Variants in COL5A2 observed in about 807,000 individuals in gnomAD.
COL5A2 encodes collagen type V alpha 2 chain.
In COL5A2, 23 loss-of-function variants were observed where a neutral mutation model predicts 208.2. That is an observed-to-expected ratio of 0.11 (90% confidence interval 0.08 to 0.16). COL5A2 has a LOEUF of 0.16. COL5A2 is among the 10% of genes least tolerant of loss of function. The pLI is 1.00. For missense variants in COL5A2, 1,590 were observed against 1,956.4 expected, an observed-to-expected ratio of 0.81 and a Z score of 3.53; for synonymous variants, 625 against 628.5, an observed-to-expected ratio of 0.99 and a Z score of 0.08.
At chr2:189,390,674 G>T in the COL5A2 span, among the ~76,000 whole-genome samples, 1 of 152,238 alleles carries the variant, frequency 6.6e-6, no homozygotes, top group Non-Finnish European at 1.5e-5. Context: ...ATAGGAACAT[G>T]TGGTATGGAC....
the COL5A2 span, among the ~76,000 whole-genome samples, chr2:189,433,775 C>A: frequency 6.6e-6 from 1 of 152,312 alleles, no homozygotes; most frequent in African/African-American, 2.4e-5. Flanking sequence ...TGGTACCATT[C>A]CTTCTGAAAC....
the COL5A2 span, among the ~76,000 whole-genome samples, chr2:189,415,718 G>T: frequency 6.6e-6 from 1 of 152,146 alleles, no homozygotes. Flanking sequence ...GGAGTGCAGT[G>T]GCACGACCTC....
At chr2:189,069,873 CTTTA>C (rs1174423555) in intron 18 of COL5A2, among the ~76,000 whole-genome samples, 1 of 152,114 alleles carries the variant, frequency 6.6e-6, no homozygotes, top group African/African-American at 2.4e-5. Context: ...TGGGCTACAA[CTTTA>C]TTTAAGTCTA....
chr2:189,093,497 G>A (rs1423457295), intron 6 of COL5A2, among the ~76,000 whole-genome samples: 2 of 152,086 alleles, frequency 1.3e-5, no homozygotes, highest in East Asian at 3.8e-4. Flanking sequence ...TGGTGGAGGT[G>A]GCAGTTTGTA....
chr2:189,211,238 A>G (rs1483122384), intron 1 of COL5A2, among the ~76,000 whole-genome samples: 2 of 152,168 alleles, frequency 1.3e-5, no homozygotes, highest in African/African-American at 4.8e-5. Context: ...AAATTAAGAA[A>G]TCCTGATGCT....
chr2:189,276,099 T>C, the COL5A2 span, among the ~76,000 whole-genome samples: 1 of 152,334 alleles, frequency 6.6e-6, no homozygotes, highest in African/African-American at 2.4e-5. Flanking sequence ...TTTAGACTAA[T>C]AACTATCTTT....
At chr2:189,438,657 C>A in the COL5A2 span, among the ~76,000 whole-genome samples, 1 of 152,078 alleles carries the variant, frequency 6.6e-6, no homozygotes, top group Non-Finnish European at 1.5e-5. Flanking sequence ...TAGTGGTTGC[C>A]AGGGGATAGG....
intron 1 of COL5A2, among the ~76,000 whole-genome samples, chr2:189,177,058 C>T (rs1688691062): frequency 6.6e-6 from 1 of 151,934 alleles, no homozygotes; most frequent in African/African-American, 2.4e-5. Context: ...TGGTAAATAA[C>T]CACAGTCAAG....
intron 1 of COL5A2, among the ~76,000 whole-genome samples, chr2:189,172,818 G>A (rs185283355): frequency 6.6e-6 from 1 of 151,474 alleles, no homozygotes; most frequent in Admixed American, 6.6e-5. Flanking sequence ...GTACAAAACT[G>A]TGAGACTGTC....
chr2:189,215,444 A>G (rs1689267505), intron 1 of COL5A2, among the ~76,000 whole-genome samples: 1 of 152,184 alleles, frequency 6.6e-6, no homozygotes, highest in South Asian at 2.1e-4. Flanking sequence ...AAAATAAAAT[A>G]TAAAATAACT....
At position 189,179,751 on chromosome 2, in the gene COL5A2, G is replaced by A; in HGVS notation, c.-147C>T. The A allele has an allele frequency of 2.1e-6, 3 of 1,413,074 alleles. No individual in the cohort carries two copies. Among genetic ancestry groups the A allele is most frequent in the South Asian group, 2.6e-5 (2 of 77,868 alleles). 87.5% of individuals were successfully genotyped at this position (1,413,074 alleles called of 1,614,324 possible). On this transcript the variant is annotated 5_prime_UTR_variant, in exon 1 of 54. Coordinates refer to ENST00000374866, the MANE Select transcript of COL5A2 (RefSeq NM_000393.5). ...ACCCCCTTTTTCAGCACCAGCTCCA[G>A]CACAGTCTGCGAAAACTTTTTTCAA...
chr2:189,091,954 A>AT (rs1336048703), intron 7 of COL5A2, among the ~76,000 whole-genome samples: 1 of 152,242 alleles, frequency 6.6e-6, no homozygotes, highest in South Asian at 2.1e-4. Context: ...TACGGAGCAG[A>AT]TTTTTTTGGC....
chr2:189,146,359 T>G (rs1463748292), intron 1 of COL5A2, among the ~76,000 whole-genome samples: 1 of 152,136 alleles, frequency 6.6e-6, no homozygotes, highest in East Asian at 1.9e-4. Context: ...AGTGAAAACA[T>G]TGGATAAAGT....
intron 51 of COL5A2, among the ~76,000 whole-genome samples, chr2:189,038,351 G>A (rs189348229): frequency 1.3e-5 from 2 of 152,160 alleles, no homozygotes; most frequent in African/African-American, 4.8e-5. Flanking sequence ...TTGCTGCAAA[G>A]GACATGATTT....
chr2:189,164,918 A>G (rs1559132901), intron 1 of COL5A2, among the ~76,000 whole-genome samples: 1 of 152,240 alleles, frequency 6.6e-6, no homozygotes, highest in African/African-American at 2.4e-5. Flanking sequence ...GTAGAAGTTG[A>G]GCAAGCTCAA....
chr2:189,207,033 T>G (rs1275826518), intron 1 of COL5A2, among the ~76,000 whole-genome samples: 1 of 152,220 alleles, frequency 6.6e-6, no homozygotes, highest in Non-Finnish European at 1.5e-5. Context: ...AACATAACCT[T>G]GGATTTTATG....
At chr2:189,116,996 C>G (rs1396679478) in intron 1 of COL5A2, among the ~76,000 whole-genome samples, 1 of 152,230 alleles carries the variant, frequency 6.6e-6, no homozygotes. Context: ...TTCTTCAGTG[C>G]AACCATTAAA....
At chr2:189,223,778 G>A (rs1008629427) in intron 1 of COL5A2, among the ~76,000 whole-genome samples, 3 of 152,082 alleles carry the variant, frequency 2.0e-5, no homozygotes, top group African/African-American at 4.8e-5. Context: ...TTAACTTGAG[G>A]GGAAGGGATA....
the COL5A2 span, among the ~76,000 whole-genome samples, chr2:189,323,812 A>C: frequency 6.6e-6 from 1 of 152,312 alleles, no homozygotes; most frequent in Middle Eastern, 3.4e-3. Context: ...ACAGAATTGG[A>C]AAAAACTACT....
Sources: allele counts gnomAD v4.1 joint callset (sites outside exome capture counted in the v4.1 genomes callset), GRCh38; gene constraint gnomAD v4.1.1; transcripts MANE v1.5; gene names NCBI Gene and HGNC (gene_info 2026-07-23, HGNC 2026-07-21).